TSEN2: variants seen among roughly 807,000 people sequenced by gnomAD.
TSEN2 encodes the protein tRNA-splicing endonuclease subunit Sen2.
Under a neutral mutation model 59.2 loss-of-function variants are expected in TSEN2, and 54 were observed. That is an observed-to-expected ratio of 0.91 (90% CI 0.73 to 1.14). TSEN2 has a LOEUF of 1.14. Ranked by LOEUF, TSEN2 falls within the 50% of genes most tolerant of loss-of-function variation. The pLI, the probability that TSEN2 is intolerant of heterozygous loss-of-function variation, is 0.00. For missense variants in TSEN2, 636 were observed against 576.2 expected (o/e 1.10, Z -1.06); for synonymous variants, 195 against 198.2 (o/e 0.98, Z 0.14).
chr3:12,505,256 TCAGCCA>T, intron 6 of TSEN2, 25 bp downstream of exon 6: 1 of 1,485,680 alleles, frequency 6.7e-7, no homozygotes, highest in Non-Finnish European at 9.4e-7. Flanking sequence ...TATTATTATT[TCAGCCA>T]TCGGTCTCTG....
intron 1 of TSEN2, among the ~76,000 whole-genome samples, chr3:12,485,317 A>G (rs2052494858): frequency 6.6e-6 from 1 of 152,200 alleles, no homozygotes; most frequent in South Asian, 2.1e-4. Flanking sequence ...ACCATCACCT[A>G]AGAGGTGTTA....
chr3:12,490,939 T>C (rs1378069285), intron 2 of TSEN2, among the ~76,000 whole-genome samples: 1 of 152,220 alleles, frequency 6.6e-6, no homozygotes, highest in African/African-American at 2.4e-5. Context: ...CAAGAGGCTT[T>C]ATAAAGTGCT....
At chr3:12,527,286 G>A (rs1444492716) in intron 8 of TSEN2, among the ~76,000 whole-genome samples, 2 of 152,114 alleles carry the variant, frequency 1.3e-5, no homozygotes, top group South Asian at 4.1e-4. Context: ...TTACTGTGTC[G>A]TCCTTGGGGC....
Position 12,524,739 on chromosome 3 carries a change from CTT to C in TSEN2, c.1100-4132_1100-4131del, listed in dbSNP as rs746602626. On this transcript the variant is annotated intron_variant, in intron 8 of 11. Transcript: ENST00000284995. ...AAACCTACTGCAATCTCTTTGGTCT[CTT>C]TTTTTTTTTTTTTTTTCTTGAAACA... 6.8e-5 allele frequency among the ~76,000 whole-genome samples: 9 copies of C among 131,752 alleles called. No homozygotes were observed. The East Asian group carries it at 1.3e-3, about 19-fold the overall frequency. 86.4% of individuals were successfully genotyped at this position (131,752 alleles called of 152,430 possible).
intron 4 of TSEN2, among the ~76,000 whole-genome samples, chr3:12,498,471 A>G (rs1160440374): frequency 1.3e-5 from 2 of 152,150 alleles, no homozygotes; most frequent in Non-Finnish European, 2.9e-5. Context: ...CCTCTAGTCT[A>G]ACTGCCAGAT....
At position 12,492,220 on chromosome 3, in the gene TSEN2, A is replaced by G. The variant is rs2053286207; in HGVS notation, c.271+3A>G. 1.2e-6 allele frequency: 2 copies of G among 1,611,298 alleles called. No homozygotes were observed. The highest frequency in any genetic ancestry group is 1.7e-6 in the Non-Finnish European group (2 of 1,177,444). On this transcript the variant is annotated splice_donor_region_variant and intron_variant, in intron 3 of 11. Coordinates refer to ENST00000284995, the MANE Select transcript of TSEN2 (RefSeq NM_025265.4). ...TAAACTGGTTGCTAAATGGAAAGGT[A>G]AAGTTGTTGTATCATTCAGTTCTTT...
At chr3:12,496,795 A>C (rs1317895121) in intron 4 of TSEN2, among the ~76,000 whole-genome samples, 3 of 152,320 alleles carry the variant, frequency 2.0e-5, no homozygotes, top group East Asian at 3.9e-4. Context: ...CCAAATTATG[A>C]ATAACTATCC....
rs778515475 is a variant in TSEN2, at chr3:12,503,454, A to T, written c.501A>T (p.Gly167=). Residue 167 remains glycine (G), a synonymous_variant, in exon 5 of 12, where the codon GGA becomes GGT. Transcript: ENST00000284995. ...MVSNMEGTAG[G]ERPSVVNGDS... is the part of the protein sequence containing the mutation. The stretch of plus-strand genomic sequence containing the variant: ...CCAACATGGAAGGCACAGCAGGGGG[A>T]GAGAGACCTTCTGTGGTAAACGGGG... The T allele has an allele frequency of 2.5e-6, 4 of 1,614,068 alleles. No homozygotes were observed. Among genetic ancestry groups the T allele is most frequent in the African/African-American group, 2.7e-5 (2 of 74,930 alleles).
At chr3:12,527,015 C>T (rs1284473625) in intron 8 of TSEN2, among the ~76,000 whole-genome samples, 1 of 152,160 alleles carries the variant, frequency 6.6e-6, no homozygotes, top group Non-Finnish European at 1.5e-5. Context: ...TAATAACTTG[C>T]CTAAAGGCAC....
At chr3:12,524,503 C>T (rs1463462947) in intron 8 of TSEN2, among the ~76,000 whole-genome samples, 1 of 152,114 alleles carries the variant, frequency 6.6e-6, no homozygotes, top group East Asian at 1.9e-4. Context: ...CAGTCTCTAC[C>T]TTGTCTGTCT....
At chr3:12,529,527 C>T (rs955095865) in intron 9 of TSEN2, among the ~76,000 whole-genome samples, 19 of 150,940 alleles carry the variant, frequency 1.3e-4, no homozygotes, top group Non-Finnish European at 7.4e-5. Flanking sequence ...GAATTTACAG[C>T]TTTCACATTG....
intron 8 of TSEN2, among the ~76,000 whole-genome samples, chr3:12,522,933 C>G (rs552543999): frequency 6.6e-6 from 1 of 152,330 alleles, no homozygotes; most frequent in South Asian, 2.1e-4. Context: ...TAGGGCCAGC[C>G]AGGCACCTTG....
At position 12,489,799 on chromosome 3, in the gene TSEN2, A is replaced by G. The variant is rs764123076; in HGVS notation, c.-2A>G. On this transcript the variant is annotated 5_prime_UTR_variant, in exon 2 of 12. Coordinates refer to ENST00000284995, the MANE Select transcript of TSEN2 (RefSeq NM_025265.4). The stretch of plus-strand genomic sequence containing the variant: ...CTCTTTAAAGAATACCTCCTCTGAA[A>G]AATGGCAGAAGCAGTTTTCCATGCC... The G allele has an allele frequency of 4.8e-5, 77 of 1,612,914 alleles. No individual in the cohort carries two copies. The highest frequency in any genetic ancestry group is 6.4e-5 in the Non-Finnish European group (76 of 1,180,006).
chr3:12,523,248 C>G (rs2056791034), intron 8 of TSEN2, among the ~76,000 whole-genome samples: 4 of 152,098 alleles, frequency 2.6e-5, no homozygotes, highest in Admixed American at 2.6e-4. Context: ...TACTCCTAAG[C>G]CTCCTTCCCA....
intron 6 of TSEN2, among the ~76,000 whole-genome samples, chr3:12,509,213 T>G (rs368556486): frequency 0.016 from 2,457 of 151,552 alleles, 42 homozygotes; most frequent in South Asian, 0.059. Flanking sequence ...TGTTGTTTTT[T>G]TTTTTGAGAC....
At chr3:12,524,546 T>A (rs559917724) in intron 8 of TSEN2, among the ~76,000 whole-genome samples, 1 of 152,242 alleles carries the variant, frequency 6.6e-6, no homozygotes, top group Admixed American at 6.5e-5. Context: ...TAAGGACACT[T>A]GACATTAGAT....
Position 12,505,219 on chromosome 3 carries a change from C to G in TSEN2, c.897C>G (p.Leu299=), listed in dbSNP as rs368493704. The part of the protein sequence containing the change: ...NPYRIFEYLQ[L]SLEEAFFLVY... ...ATAGGATCTTTGAGTATTTGCAACT[C>G]AGCCTAGAAGAGGTATGTTTTCAAC... The change falls in exon 6 of 12, where the codon CTC becomes CTG. Residue 299 remains leucine, a synonymous_variant. Coordinates refer to ENST00000284995, the MANE Select transcript of TSEN2 (RefSeq NM_025265.4). The G allele has an allele frequency of 3.1e-6, 5 of 1,608,702 alleles. No homozygotes were observed. The highest frequency in any genetic ancestry group is 4.3e-6 in the Non-Finnish European group (5 of 1,175,086).
chr3:12,516,687 C>T (rs372654891), intron 7 of TSEN2, 26 bp downstream of exon 7: 1 of 1,609,192 alleles, frequency 6.2e-7, no homozygotes, highest in African/African-American at 1.3e-5. Flanking sequence ...TACATACAAC[C>T]CACTTAAAAT....
intron 3 of TSEN2, among the ~76,000 whole-genome samples, chr3:12,492,756 A>T (rs147453334): frequency 1.3e-5 from 2 of 152,368 alleles, no homozygotes; most frequent in African/African-American, 4.8e-5. Context: ...CACTGAGATA[A>T]CATGTCAACA....
Sources: allele counts gnomAD v4.1 joint callset (sites outside exome capture counted in the v4.1 genomes callset), GRCh38; gene constraint gnomAD v4.1.1; transcripts MANE v1.5; gene names NCBI Gene and HGNC (gene_info 2026-07-23, HGNC 2026-07-21).